The following GALNT5 variants were observed in gnomAD, a reference collection of about 807,000 sequenced individuals.
GALNT5 encodes the protein UDP-GalNAc:polypeptide N-acetylgalactosaminyltransferase 5.
GALNT5 carries 72 observed loss-of-function variants against 85.4 expected under a neutral mutation model. The ratio of observed to expected loss-of-function variants is 0.84; its 90% CI spans 0.70 to 1.03. The LOEUF (loss-of-function observed/expected upper bound fraction) is 1.03. Among genes scored for constraint, GALNT5 ranks in the 50% least tolerant of loss-of-function variants. GALNT5 has a pLI of 0.00. For missense variants in GALNT5, 1,137 were observed against 1,135.5 expected (o/e 1.00, Z -0.02); for synonymous variants, 404 against 397.0 (o/e 1.02, Z -0.21).
At chr2:157,304,605 T>C (rs142319172) in intron 7 of GALNT5, among the ~76,000 whole-genome samples, 1 of 152,372 alleles carries the variant, frequency 6.6e-6, no homozygotes, top group Non-Finnish European at 1.5e-5. Context: ...GTTTTTCCGC[T>C]GTTATGTGGA....
chr2:157,310,952 T>C (rs1433753963), intron 9 of GALNT5, among the ~76,000 whole-genome samples: 2 of 152,234 alleles, frequency 1.3e-5, no homozygotes, highest in Non-Finnish European at 1.5e-5. Flanking sequence ...CTCAGCCATA[T>C]CATCAAGAAA....
At position 157,284,053 on chromosome 2, in the gene GALNT5, G is replaced by A. The variant is rs181849106; in HGVS notation, c.1455-229G>A. ...GTCCTTTTATAACAACCACGGTTAC[G>A]GGTAATTCTTCTGCTTTTTTATTTT... On this transcript the variant is annotated intron_variant, in intron 1 of 9. Transcript: ENST00000259056. Among the ~76,000 whole-genome samples the A allele has an allele frequency of 2.6e-5, 4 of 152,148 alleles. No individual in the cohort carries two copies. In the East Asian group the frequency reaches 5.8e-4, roughly 22 times the overall value.
At chr2:157,260,417 CTAT>C (rs1682311271) in intron 1 of GALNT5, among the ~76,000 whole-genome samples, 1 of 152,020 alleles carries the variant, frequency 6.6e-6, no homozygotes, top group African/African-American at 2.4e-5. Flanking sequence ...ATTCCTATAA[CTAT>C]ATCACCAGAT....
At position 157,313,338 on chromosome 2, in the gene GALNT5, G is replaced by A. The variant is rs755531618; in HGVS notation, c.*1990G>A. 2.4e-4 allele frequency: 37 copies of A among 152,088 alleles called. No homozygotes were observed. Among genetic ancestry groups the A allele is most frequent in the African/African-American group, 6.5e-4 (27 of 41,428 alleles). The allele number at this position is 152,088 out of a possible 1,614,324, so 9.4% of individuals were successfully genotyped here. A position where few individuals can be genotyped will look rare whatever the true frequency, so the allele number is the denominator to read the frequency against. ...TCCATATAGCCTAGGTGTGTAGTAG[G>A]CTACCTACACCATCTAGGTTTGTGT... is the stretch of plus-strand genomic sequence containing the variant. On this transcript the variant is annotated 3_prime_UTR_variant, in exon 10 of 10. Coordinates refer to ENST00000259056, the MANE Select transcript of GALNT5 (RefSeq NM_014568.3).
chr2:157,297,911 A>G (rs1232558106), intron 5 of GALNT5, among the ~76,000 whole-genome samples: 1 of 152,166 alleles, frequency 6.6e-6, no homozygotes, highest in Non-Finnish European at 1.5e-5. Flanking sequence ...TTGAATCTCA[A>G]CTGTACCACT....
chr2:157,291,629 A>ACC (rs370942406), intron 3 of GALNT5, among the ~76,000 whole-genome samples: 229 of 60,742 alleles, frequency 3.8e-3, no homozygotes, highest in African/African-American at 6.9e-3. Context: ...TTATGTTACC[A>ACC]CCCACCCCCC....
At chr2:157,283,738 G>A (rs11678439) in intron 1 of GALNT5, among the ~76,000 whole-genome samples, 6 of 152,106 alleles carry the variant, frequency 3.9e-5, no homozygotes, top group African/African-American at 7.2e-5. Flanking sequence ...ATATAATCTA[G>A]TAATGATAGC....
intron 7 of GALNT5, among the ~76,000 whole-genome samples, chr2:157,303,730 A>AG (rs111386580): frequency 3.3e-5 from 5 of 152,024 alleles, no homozygotes; most frequent in Non-Finnish European, 5.9e-5. Context: ...GGAAAAAAAA[A>AG]TCTTCAGGTC....
chr2:157,315,034 C>T lies in GALNT5; in HGVS notation c.*3686C>T, dbSNP rs555433838. 1.9e-4 allele frequency among the ~76,000 whole-genome samples: 29 copies of T among 152,082 alleles called. 1 individual carries two copies. The highest frequency in any genetic ancestry group is 5.8e-4 in the African/African-American group (24 of 41,474). ...TGGAGGTTGCAGTGAGCTGAAATTG[C>T]GCCACTGCACTCCAGCCTAGACAAC... is the stretch of plus-strand genomic sequence containing the variant. On this transcript the variant is annotated 3_prime_UTR_variant, in exon 10 of 10. Coordinates refer to ENST00000259056, the MANE Select transcript of GALNT5 (RefSeq NM_014568.3).
At chr2:157,268,223 C>T (rs533529525) in intron 1 of GALNT5, among the ~76,000 whole-genome samples, 1 of 152,276 alleles carries the variant, frequency 6.6e-6, no homozygotes, top group South Asian at 2.1e-4. Context: ...TGTTATCATT[C>T]CCTCAATCTT....
In GALNT5 at chr2:157,259,244, G is replaced by A; in HGVS notation, c.1162G>A (p.Gly388Arg). ...LSQTNHALTG[G>R]LEPAKINITA... ...CCAAACTAACCATGCTTTAACTGGA[G>A]GGCTAGAGCCAGCAAAAATCAACAT... Residue 388 changes from glycine to arginine, a missense_variant, in exon 1 of 10, where the codon GGG (glycine) becomes AGG (arginine). Gly to Arg is a moderately radical substitution (Grantham distance 125). Coordinates refer to ENST00000259056, the MANE Select transcript of GALNT5 (RefSeq NM_014568.3). 6.2e-7 allele frequency: 1 copy of A among 1,609,780 alleles called. No individual in the cohort carries two copies. The highest frequency in any genetic ancestry group is 1.1e-5 in the South Asian group (1 of 90,054).
rs1683680126 is a variant in GALNT5 at position 157,315,499 on chromosome 2, C to A, written c.*4151C>A. ...GTTTCTTGGTCTCAGATTACTGATGCCACAGTATTGAGATGAGATTGAATT... is the reference window on the plus strand; with the variant it reads ...GTTTCTTGGTCTCAGATTACTGATGACACAGTATTGAGATGAGATTGAATT... On this transcript the variant is annotated 3_prime_UTR_variant, in exon 10 of 10. Transcript: ENST00000259056. Among the ~76,000 whole-genome samples the A allele has an allele frequency of 6.6e-6, 1 of 152,096 alleles. No individual in the cohort carries two copies.
chr2:157,286,153 TTTTG>T lies in GALNT5; in HGVS notation c.1741+26_1741+29del, dbSNP rs1261182945. ...GCAACAGGTAAGAAGTTACTCATTT[TTTTG>T]TTTGTTACATTTTTATTTTAATTTA... On this transcript the variant is annotated intron_variant, in intron 3 of 9. Transcript: ENST00000259056. The T allele has an allele frequency of 1.9e-6, 3 of 1,598,746 alleles. No individual in the cohort carries two copies. The highest frequency in any genetic ancestry group is 2.7e-5 in the African/African-American group (2 of 74,060).
At chr2:157,280,079 T>C (rs577968810) in intron 1 of GALNT5, among the ~76,000 whole-genome samples, 2 of 152,222 alleles carry the variant, frequency 1.3e-5, no homozygotes, top group East Asian at 3.8e-4. Flanking sequence ...ATTACAGGCA[T>C]GAGCTACCTC....
intron 7 of GALNT5, among the ~76,000 whole-genome samples, chr2:157,303,359 T>C (rs530872378): frequency 4.6e-5 from 7 of 152,358 alleles, no homozygotes; most frequent in African/African-American, 1.7e-4. Context: ...TCACCAATAA[T>C]GTATTTTTAC....
At chr2:157,268,413 A>C (rs1362991845) in intron 1 of GALNT5, among the ~76,000 whole-genome samples, 1 of 152,214 alleles carries the variant, frequency 6.6e-6, no homozygotes, top group East Asian at 1.9e-4. Flanking sequence ...GTGCTCCCTC[A>C]AAATGTGTGT....
At chr2:157,262,952 C>T (rs375496747) in intron 1 of GALNT5, among the ~76,000 whole-genome samples, 1 of 150,506 alleles carries the variant, frequency 6.6e-6, no homozygotes, top group Non-Finnish European at 1.5e-5. Flanking sequence ...CTCAGCCTCC[C>T]GAGTAGCTGG....
intron 4 of GALNT5, 77 bp from the exon 5 acceptor site, chr2:157,296,317 C>A: frequency 8.7e-7 from 1 of 1,154,186 alleles, no homozygotes; most frequent in Non-Finnish European, 1.3e-6. Context: ...TTGATTACAT[C>A]GTGAAGCCAA....
intron 3 of GALNT5, among the ~76,000 whole-genome samples, chr2:157,293,991 G>T (rs150682229): frequency 6.6e-6 from 1 of 152,166 alleles, no homozygotes; most frequent in East Asian, 1.9e-4. Flanking sequence ...CTCTTAAGTG[G>T]GAATAAAAAT....
Sources: gnomAD v4.1 joint callset for allele counts (sites outside exome capture counted in the v4.1 genomes callset) on GRCh38, gnomAD v4.1.1 for gene constraint, MANE v1.5 for transcripts, NCBI Gene and HGNC (gene_info 2026-07-23, HGNC 2026-07-21) for gene names.